The following CTNNA3 variants were observed in gnomAD, a reference collection of about 807,000 sequenced individuals.
CTNNA3 encodes the protein catenin alpha-3.
A neutral mutation model predicts 95.7 loss-of-function variants in CTNNA3; 76 were observed. That is an observed-to-expected ratio of 0.79 (90% CI 0.66 to 0.96). The LOEUF (loss-of-function observed/expected upper bound fraction) is 0.96. CTNNA3 is among the 40% of genes least tolerant of loss of function. The pLI, the probability that CTNNA3 is intolerant of heterozygous loss-of-function variation, is 0.00. For missense variants in CTNNA3, 1,191 were observed against 1,089.8 expected, an observed-to-expected ratio of 1.09 and a Z score of -1.31; for synonymous variants, 431 against 374.4, an observed-to-expected ratio of 1.15 and a Z score of -1.74.
chr10:66,163,300 C>A (rs1464649959), intron 13 of CTNNA3, among the ~76,000 whole-genome samples: 1 of 152,070 alleles, frequency 6.6e-6, no homozygotes, highest in Non-Finnish European at 1.5e-5. Context: ...TTACCCCCTG[C>A]TCCTCTGGCC....
chr10:66,636,104 G>T (rs937225902), intron 9 of CTNNA3, among the ~76,000 whole-genome samples: 1 of 151,608 alleles, frequency 6.6e-6, no homozygotes, highest in Non-Finnish European at 1.5e-5. Flanking sequence ...ACAAATATGT[G>T]CATGTACTAT....
intron 13 of CTNNA3, among the ~76,000 whole-genome samples, chr10:66,228,305 T>C (rs1420806943): frequency 6.6e-6 from 1 of 152,076 alleles, no homozygotes; most frequent in Non-Finnish European, 1.5e-5. Context: ...GTTTTTGCCA[T>C]AAATTTCTAT....
intron 5 of CTNNA3, among the ~76,000 whole-genome samples, chr10:67,439,547 G>A (rs1846422838): frequency 6.6e-6 from 1 of 152,146 alleles, no homozygotes; most frequent in Non-Finnish European, 1.5e-5. Context: ...CACCAAGGGG[G>A]ATGGTGTTAA....
chr10:67,174,650 A>G (rs894665974), intron 7 of CTNNA3, among the ~76,000 whole-genome samples: 2 of 151,478 alleles, frequency 1.3e-5, no homozygotes, highest in Non-Finnish European at 2.9e-5. Flanking sequence ...GAAATCAGAG[A>G]AAAAAAAAGC....
At position 66,693,694 on chromosome 10, in the gene CTNNA3, T is replaced by C. The variant is rs188209727; in HGVS notation, c.1282-71910A>G. On this transcript the variant is annotated intron_variant, in intron 9 of 17. Coordinates refer to ENST00000433211, the MANE Select transcript of CTNNA3 (RefSeq NM_013266.4). ...CACCACACCACACCTATTCCAAAAT[T>C]GACCACATAGTTGGAAGTAAAGCTT... Among the ~76,000 whole-genome samples the C allele has an allele frequency of 7.3e-3, 1,112 of 152,128 alleles. 8 individuals carry two copies. The highest frequency in any genetic ancestry group is 0.025 in the African/African-American group (1,042 of 41,492).
intron 7 of CTNNA3, among the ~76,000 whole-genome samples, chr10:66,812,004 T>G (rs1283191470): frequency 1.3e-5 from 2 of 152,184 alleles, no homozygotes; most frequent in Admixed American, 6.5e-5. Context: ...CTGAGATGAA[T>G]TTACCTCTTG....
In CTNNA3 at chr10:66,335,792, T is replaced by C. The variant is rs949337495; in HGVS notation, c.1732+43360A>G. Among the ~76,000 whole-genome samples the C allele has an allele frequency of 2.6e-5, 4 of 152,268 alleles. No homozygotes were observed. The South Asian group carries it at 8.3e-4, about 32-fold the overall frequency. ...GGACATTTAAGTCTGCAGAGGTTTC[T>C]GCTGCCTTTTGTTTGGCTATGCCCT... On this transcript the variant is annotated intron_variant, in intron 12 of 17. Transcript: ENST00000433211.
intron 15 of CTNNA3, among the ~76,000 whole-genome samples, chr10:66,066,976 A>G (rs1352338003): frequency 4.0e-5 from 6 of 151,484 alleles, no homozygotes; most frequent in Non-Finnish European, 7.4e-5. Flanking sequence ...ATAATTCTAT[A>G]GTTATCCTGT....
intron 7 of CTNNA3, among the ~76,000 whole-genome samples, chr10:66,795,915 C>A (rs1481195541): frequency 6.6e-6 from 1 of 152,138 alleles, no homozygotes; most frequent in Non-Finnish European, 1.5e-5. Context: ...TCCGCAGCAT[C>A]CTCACATTTC....
At chr10:67,464,676 A>T (rs140237386) in intron 5 of CTNNA3, among the ~76,000 whole-genome samples, 200 of 152,292 alleles carry the variant, frequency 1.3e-3, no homozygotes, top group East Asian at 0.011. Flanking sequence ...GCCTTTCAGC[A>T]ATTAGTGGGC....
At chr10:66,540,690 T>C (rs1841820439) in intron 10 of CTNNA3, among the ~76,000 whole-genome samples, 1 of 141,914 alleles carries the variant, frequency 7.0e-6, no homozygotes, top group African/African-American at 2.6e-5. Flanking sequence ...CCTTTCTTCC[T>C]TTCTAGTACA....
intron 7 of CTNNA3, among the ~76,000 whole-genome samples, chr10:67,160,945 G>A (rs1236070208): frequency 2.0e-5 from 3 of 152,122 alleles, no homozygotes; most frequent in African/African-American, 7.2e-5. Context: ...AACAAATACT[G>A]CATCATACCA....
chr10:66,250,734 G>T (rs1296696768), intron 13 of CTNNA3, among the ~76,000 whole-genome samples: 1 of 151,942 alleles, frequency 6.6e-6, no homozygotes, highest in African/African-American at 2.4e-5. Context: ...TGCTTCTATT[G>T]TTTCTTCTCT....
At chr10:66,345,059 CTT>C (rs1422368793) in intron 12 of CTNNA3, among the ~76,000 whole-genome samples, 1 of 151,960 alleles carries the variant, frequency 6.6e-6, no homozygotes, top group East Asian at 1.9e-4. Context: ...AGGAGCAAGA[CTT>C]ATCTTTATTA....
At chr10:66,199,806 T>TATATATATATATA (rs1554887153) in intron 13 of CTNNA3, among the ~76,000 whole-genome samples, 18 of 9,008 alleles carry the variant, frequency 2.0e-3, no homozygotes, top group South Asian at 8.2e-3. Flanking sequence ...TATATATATA[T>TATATATATATATA]TTTTTTTTTT....
At chr10:67,610,111 T>C (rs1449716617) in intron 2 of CTNNA3, among the ~76,000 whole-genome samples, 1 of 152,224 alleles carries the variant, frequency 6.6e-6, no homozygotes, top group East Asian at 1.9e-4. Context: ...GTCTGAAGTG[T>C]TCCCTCGGAA....
At chr10:67,404,458 A>G (rs1176294832) in intron 5 of CTNNA3, among the ~76,000 whole-genome samples, 1 of 152,066 alleles carries the variant, frequency 6.6e-6, no homozygotes, top group Non-Finnish European at 1.5e-5. Flanking sequence ...AAAGAATCTC[A>G]GAGCTTGAAG....
chr10:66,622,490 C>T (rs1165998459), intron 9 of CTNNA3, among the ~76,000 whole-genome samples: 2 of 152,146 alleles, frequency 1.3e-5, no homozygotes, highest in African/African-American at 4.8e-5. Context: ...ATACTTTCTT[C>T]AGACCATGAA....
At chr10:67,573,099 G>A (rs1385680795) in intron 3 of CTNNA3, among the ~76,000 whole-genome samples, 3 of 151,934 alleles carry the variant, frequency 2.0e-5, no homozygotes, top group African/African-American at 7.2e-5. Context: ...AAAAATAAAA[G>A]TAAAAAAATA....
Sources: allele counts gnomAD v4.1 joint callset (sites outside exome capture counted in the v4.1 genomes callset), GRCh38; gene constraint gnomAD v4.1.1; transcripts MANE v1.5; gene names NCBI Gene and HGNC (gene_info 2026-07-23, HGNC 2026-07-21).